Variants in CDH12 observed in about 807,000 individuals in gnomAD.
CDH12 encodes cadherin-12.
Under a neutral mutation model 74.1 loss-of-function variants are expected in CDH12, and 41 were observed. The ratio of observed to expected loss-of-function variants is 0.55; its 90% CI spans 0.43 to 0.72. The LOEUF (loss-of-function observed/expected upper bound fraction) is 0.72, where lower values mean the gene tolerates loss of function less well. Ranked by LOEUF, CDH12 falls within the 30% of genes least tolerant of loss-of-function variation. The pLI, the probability that CDH12 is intolerant of heterozygous loss-of-function variation, is 0.00. For missense variants in CDH12, 945 were observed against 977.2 expected (o/e 0.97, Z 0.44); for synonymous variants, 399 against 355.0 (o/e 1.12, Z -1.39).
At chr5:22,828,534 T>A (rs1325881315) in intron 1 of CDH12, among the ~76,000 whole-genome samples, 1 of 152,142 alleles carries the variant, frequency 6.6e-6, no homozygotes, top group Non-Finnish European at 1.5e-5. Context: ...TGAAATAAAT[T>A]GAAAAGCAGA....
At chr5:22,420,561 T>C (rs1743601111) in intron 2 of CDH12, among the ~76,000 whole-genome samples, 1 of 152,156 alleles carries the variant, frequency 6.6e-6, no homozygotes, top group African/African-American at 2.4e-5. Flanking sequence ...CACCATGCTG[T>C]TTTGGTTACT....
chr5:22,276,624 G>A (rs1736646385), intron 3 of CDH12, among the ~76,000 whole-genome samples: 1 of 152,146 alleles, frequency 6.6e-6, no homozygotes, highest in Non-Finnish European at 1.5e-5. Flanking sequence ...AAAAATAATA[G>A]TTATGTTTAT....
At chr5:22,693,606 T>C (rs918363046) in intron 1 of CDH12, among the ~76,000 whole-genome samples, 1 of 152,192 alleles carries the variant, frequency 6.6e-6, no homozygotes, top group Non-Finnish European at 1.5e-5. Context: ...ATAAACCCAG[T>C]ATCCAGCTTG....
At chr5:21,904,076 CTCTT>C (rs1345180159) in intron 6 of CDH12, among the ~76,000 whole-genome samples, 1 of 152,164 alleles carries the variant, frequency 6.6e-6, no homozygotes, top group African/African-American at 2.4e-5. Context: ...GTAGTCTCTT[CTCTT>C]TCTCTATTAG....
At position 22,090,443 on chromosome 5, in the gene CDH12, C is replaced by A. The variant is rs139886139; in HGVS notation, c.-186-11581G>T. Among the ~76,000 whole-genome samples the A allele has an allele frequency of 7.6e-3, 1,127 of 149,270 alleles. 11 individuals are homozygous for A. The highest frequency in any genetic ancestry group is 0.025 in the African/African-American group (1,027 of 40,666). ...AACAAGATGTCTTCACTGTTGAATT[C>A]TATCAAACATTTCAATAATAATTAA... On this transcript the variant is annotated intron_variant, in intron 4 of 14. Transcript: ENST00000382254.
chr5:22,119,227 T>A (rs1213429929), intron 4 of CDH12, among the ~76,000 whole-genome samples: 1 of 151,864 alleles, frequency 6.6e-6, no homozygotes, highest in Non-Finnish European at 1.5e-5. Context: ...TTGGCTTTGA[T>A]GTACCCAGTA....
At chr5:21,859,977 G>A (rs115500096) in intron 6 of CDH12, among the ~76,000 whole-genome samples, 2,100 of 151,860 alleles carry the variant, frequency 0.014, 49 homozygotes, top group African/African-American at 0.048. Flanking sequence ...AATTGGCCCG[G>A]ACTCTTCAGA....
intron 1 of CDH12, among the ~76,000 whole-genome samples, chr5:22,573,092 C>G (rs1739617324): frequency 6.6e-6 from 1 of 152,132 alleles, no homozygotes; most frequent in East Asian, 1.9e-4. Context: ...TGATGATGTG[C>G]AAAATTCTTT....
chr5:22,400,227 TG>T (rs1401850838), intron 3 of CDH12, among the ~76,000 whole-genome samples: 4 of 152,274 alleles, frequency 2.6e-5, no homozygotes, highest in African/African-American at 7.2e-5. Flanking sequence ...CATTGGATGT[TG>T]TTTTTTTTAT....
At chr5:21,753,674 A>G (rs749146131) in intron 14 of CDH12, among the ~76,000 whole-genome samples, 25 of 151,770 alleles carry the variant, frequency 1.6e-4, no homozygotes, top group Non-Finnish European at 3.4e-4. Context: ...ACCCTATGAC[A>G]GGACAAAGAG....
chr5:22,216,537 T>C (rs1269684127), intron 3 of CDH12, among the ~76,000 whole-genome samples: 1 of 151,906 alleles, frequency 6.6e-6, no homozygotes, highest in East Asian at 1.9e-4. Flanking sequence ...TAAATACATA[T>C]ACATAAACAA....
At position 22,740,361 on chromosome 5, in the gene CDH12, T is replaced by C. The variant is rs537287634; in HGVS notation, c.-523+112697A>G. ...CCTACATGATCGAGAAATTGTTCTTTTATAGACACATGATCATGTATTTAT... is the reference window on the plus strand; with the variant it reads ...CCTACATGATCGAGAAATTGTTCTTCTATAGACACATGATCATGTATTTAT... On this transcript the variant is annotated intron_variant, in intron 1 of 14. Coordinates refer to ENST00000382254, the MANE Select transcript of CDH12 (RefSeq NM_004061.5). Among the ~76,000 whole-genome samples, 4 of 152,146 alleles carry C rather than the reference T, an allele frequency of 2.6e-5. No individual in the cohort carries two copies. In the South Asian group the frequency reaches 6.2e-4, roughly 24 times the overall value.
chr5:22,204,256 G>A (rs1232716909), intron 4 of CDH12, among the ~76,000 whole-genome samples: 1 of 151,824 alleles, frequency 6.6e-6, no homozygotes, highest in Non-Finnish European at 1.5e-5. Flanking sequence ...CCGCCTCGGG[G>A]TTCACGCCAT....
chr5:22,358,385 C>T (rs1740654250), intron 3 of CDH12, among the ~76,000 whole-genome samples: 1 of 151,918 alleles, frequency 6.6e-6, no homozygotes, highest in South Asian at 2.1e-4. Context: ...TCCACTCCAG[C>T]CTGGAAGATA....
intron 4 of CDH12, among the ~76,000 whole-genome samples, chr5:22,101,559 T>G (rs1744140056): frequency 6.6e-6 from 1 of 152,160 alleles, no homozygotes; most frequent in Non-Finnish European, 1.5e-5. Context: ...CAGTTTTATC[T>G]TAGGCTTCAA....
chr5:22,249,593 C>T (rs1489329238), intron 3 of CDH12, among the ~76,000 whole-genome samples: 1 of 152,136 alleles, frequency 6.6e-6, no homozygotes, highest in African/African-American at 2.4e-5. Flanking sequence ...AGTGCCGCAG[C>T]TACTTCATAG....
At chr5:22,121,021 G>C (rs78262158) in intron 4 of CDH12, among the ~76,000 whole-genome samples, 10,544 of 152,156 alleles carry the variant, frequency 0.069, 418 homozygotes, top group South Asian at 0.12. Flanking sequence ...TTTTGAAGTT[G>C]AGCTTATCTC....
chr5:22,055,295 C>G (rs1740661445), intron 5 of CDH12, among the ~76,000 whole-genome samples: 1 of 152,134 alleles, frequency 6.6e-6, no homozygotes, highest in Non-Finnish European at 1.5e-5. Flanking sequence ...ATTCTGCTCA[C>G]CTGGCATACA....
At chr5:22,129,463 A>G (rs1746059835) in intron 4 of CDH12, among the ~76,000 whole-genome samples, 1 of 152,234 alleles carries the variant, frequency 6.6e-6, no homozygotes, top group Non-Finnish European at 1.5e-5. Flanking sequence ...CAGCAGAGGT[A>G]CAAAACGGGC....
Sources: allele counts gnomAD v4.1 joint callset (sites outside exome capture counted in the v4.1 genomes callset), GRCh38; gene constraint gnomAD v4.1.1; transcripts MANE v1.5; gene names NCBI Gene and HGNC (gene_info 2026-07-23, HGNC 2026-07-21).